The following GABRG3 variants were observed in gnomAD, a reference collection of about 807,000 sequenced individuals.
The protein encoded by GABRG3 is gamma-aminobutyric acid receptor subunit gamma-3.
GABRG3 carries 25 observed loss-of-function variants against 48.8 expected under a neutral mutation model. That is an observed-to-expected ratio of 0.51 (90% CI 0.37 to 0.72). GABRG3 has a LOEUF of 0.72. Ranked by LOEUF, GABRG3 falls within the 30% of genes least tolerant of loss-of-function variation. The pLI, the probability that GABRG3 is intolerant of heterozygous loss-of-function variation, is 0.00. For synonymous variants in GABRG3, 227 were observed against 217.6 expected, an observed-to-expected ratio of 1.04 and a Z score of -0.38; for missense variants, 394 against 577.9, an observed-to-expected ratio of 0.68 and a Z score of 3.26.
intron 3 of GABRG3, among the ~76,000 whole-genome samples, chr15:27,242,833 TA>T (rs1890166265): frequency 1.3e-5 from 2 of 152,232 alleles, no homozygotes; most frequent in Admixed American, 1.3e-4. Flanking sequence ...TCTAAACACT[TA>T]AAATAGAGCC....
chr15:27,140,410 T>C (rs1898082630), intron 3 of GABRG3, among the ~76,000 whole-genome samples: 1 of 152,230 alleles, frequency 6.6e-6, no homozygotes, highest in African/African-American at 2.4e-5. Context: ...TCTTCTGTGT[T>C]CATTGTTGTT....
At chr15:27,292,719 G>A (rs1891836826) in intron 3 of GABRG3, among the ~76,000 whole-genome samples, 1 of 152,154 alleles carries the variant, frequency 6.6e-6, no homozygotes, top group African/African-American at 2.4e-5. Context: ...TGAGGACTGT[G>A]TCTGAGCAGA....
In GABRG3 at chr15:27,394,349, G is replaced by A. The variant is rs1271264773; in HGVS notation, c.574+65461G>A. 2.0e-5 allele frequency among the ~76,000 whole-genome samples: 3 copies of A among 151,868 alleles called. No homozygotes were observed. The South Asian group carries it at 6.2e-4, about 31-fold the overall frequency. ...TATTTTAGTAGCTTACAGAAATATT[G>A]CTTCAAATTTTATCCCCTTTTATAT... On this transcript the variant is annotated intron_variant, in intron 5 of 9. Coordinates refer to ENST00000615808, the MANE Select transcript of GABRG3 (RefSeq NM_033223.5).
intron 3 of GABRG3, among the ~76,000 whole-genome samples, chr15:27,157,034 G>A (rs1595556849): frequency 6.6e-6 from 1 of 152,096 alleles, no homozygotes; most frequent in Non-Finnish European, 1.5e-5. Flanking sequence ...CCAGCCCCAA[G>A]TCCAACAGAG....
At chr15:27,364,112 G>C (rs1171955801) in intron 5 of GABRG3, 1 of 152,226 alleles carries the variant, frequency 6.6e-6, no homozygotes, top group Non-Finnish European at 1.5e-5. Context: ...ACATGTAATT[G>C]TGCAGTGACT....
At chr15:26,981,949 A>G (rs934510072) in intron 2 of GABRG3, among the ~76,000 whole-genome samples, 6 of 152,224 alleles carry the variant, frequency 3.9e-5, no homozygotes, top group Non-Finnish European at 8.8e-5. Context: ...ATGCGTGTCT[A>G]GTGCAGCGTT....
chr15:27,030,944 T>G (rs1896074149), intron 3 of GABRG3, among the ~76,000 whole-genome samples: 1 of 152,120 alleles, frequency 6.6e-6, no homozygotes, highest in South Asian at 2.1e-4. Context: ...AGTGTTAGGA[T>G]TACTTTTCTG....
intron 9 of GABRG3, among the ~76,000 whole-genome samples, chr15:27,530,069 A>G (rs1337089934): frequency 6.6e-6 from 1 of 152,180 alleles, no homozygotes; most frequent in East Asian, 1.9e-4. Flanking sequence ...CTGCAGCCTT[A>G]TGCTAGTGAA....
chr15:27,425,392 C>T (rs939599398), intron 5 of GABRG3, among the ~76,000 whole-genome samples: 26 of 145,800 alleles, frequency 1.8e-4, no homozygotes, highest in Admixed American at 9.2e-4. Context: ...ATCACGAGGT[C>T]AGGAGATTGA....
intron 2 of GABRG3, among the ~76,000 whole-genome samples, chr15:26,991,903 G>A (rs1895256203): frequency 6.6e-6 from 1 of 151,998 alleles, no homozygotes; most frequent in Non-Finnish European, 1.5e-5. Context: ...TGTATTTTTA[G>A]TAGAGATGGG....
rs1308712996 is a variant in GABRG3 at position 27,123,959 on chromosome 15, A to T, written c.270+97138A>T. Among the ~76,000 whole-genome samples, 3 of 152,138 alleles carry T rather than the reference A, an allele frequency of 2.0e-5. No homozygotes were observed. In the East Asian group the frequency reaches 5.8e-4, roughly 29 times the overall value. On this transcript the variant is annotated intron_variant, in intron 3 of 9. Transcript: ENST00000615808. ...TCACCACTCACTAGACATTTTCTGG[A>T]CACCCAGGCGGCCGGAGCCTTCCCT...
intron 2 of GABRG3, among the ~76,000 whole-genome samples, chr15:26,978,852 C>G (rs932647219): frequency 6.6e-6 from 1 of 152,180 alleles, no homozygotes; most frequent in Non-Finnish European, 1.5e-5. Flanking sequence ...GAATAGTTTT[C>G]TCTGTAACTA....
chr15:27,063,491 TG>T (rs1238938417), intron 3 of GABRG3, among the ~76,000 whole-genome samples: 1 of 152,206 alleles, frequency 6.6e-6, no homozygotes, highest in Non-Finnish European at 1.5e-5. Context: ...CAGATCTGGT[TG>T]TTTAAGATTG....
chr15:27,517,159 C>T (rs1032804233), intron 6 of GABRG3, among the ~76,000 whole-genome samples: 2 of 152,028 alleles, frequency 1.3e-5, no homozygotes, highest in African/African-American at 2.4e-5. Flanking sequence ...CACTCCTCCA[C>T]GCATGTGCCC....
intron 3 of GABRG3, among the ~76,000 whole-genome samples, chr15:27,196,361 T>C (rs1327366585): frequency 6.6e-6 from 1 of 152,160 alleles, no homozygotes; most frequent in Non-Finnish European, 1.5e-5. Flanking sequence ...TCCAGGCCCC[T>C]GCCCGACTTG....
chr15:27,333,779 C>G (rs146223366), intron 5 of GABRG3, among the ~76,000 whole-genome samples: 31 of 152,294 alleles, frequency 2.0e-4, no homozygotes, highest in African/African-American at 7.0e-4. Context: ...TCAGGAGAAT[C>G]TACACAGCAG....
intron 3 of GABRG3, among the ~76,000 whole-genome samples, chr15:27,077,951 G>T (rs1040776406): frequency 2.0e-5 from 3 of 152,166 alleles, no homozygotes; most frequent in African/African-American, 7.2e-5. Flanking sequence ...CCCGCCGGGG[G>T]TTTGGGGGAG....
intron 6 of GABRG3, among the ~76,000 whole-genome samples, chr15:27,483,960 G>A (rs1409216457): frequency 6.6e-6 from 1 of 151,946 alleles, no homozygotes; most frequent in East Asian, 1.9e-4. Flanking sequence ...TTGAGACGGA[G>A]TTTCACTCTT....
At chr15:26,983,319 C>A (rs1189904467) in intron 2 of GABRG3, among the ~76,000 whole-genome samples, 1 of 152,050 alleles carries the variant, frequency 6.6e-6, no homozygotes, top group Non-Finnish European at 1.5e-5. Context: ...ACACCCCCGA[C>A]CCTGGTACAC....
Sources: allele counts gnomAD v4.1 joint callset (sites outside exome capture counted in the v4.1 genomes callset), GRCh38; gene constraint gnomAD v4.1.1; transcripts MANE v1.5; gene names NCBI Gene and HGNC (gene_info 2026-07-23, HGNC 2026-07-21).